MAML2: variants seen among roughly 807,000 people sequenced by gnomAD.
MAML2 encodes mastermind-like protein 2.
Under a neutral mutation model 96.1 loss-of-function variants are expected in MAML2, and 22 were observed. The ratio of observed to expected loss-of-function variants is 0.23; its 90% confidence interval spans 0.16 to 0.33. MAML2 has a LOEUF of 0.33. MAML2 is among the 10% of genes least tolerant of loss of function. The probability of loss-of-function intolerance (pLI) is 1.00; values close to 1 mark genes in which losing one functional copy is unlikely to be tolerated. For missense variants in MAML2, 1,367 were observed against 1,392.4 expected (o/e 0.98, Z 0.29); for synonymous variants, 561 against 521.3 (o/e 1.08, Z -1.04).
intron 1 of MAML2, among the ~76,000 whole-genome samples, chr11:96,195,079 T>A (rs985432974): frequency 6.6e-6 from 1 of 152,236 alleles, no homozygotes; most frequent in Admixed American, 6.5e-5. Flanking sequence ...CTAAGTTATA[T>A]AAACCAAGTC....
intron 2 of MAML2, among the ~76,000 whole-genome samples, chr11:96,016,620 T>A (rs79749321): frequency 6.6e-6 from 1 of 152,150 alleles, no homozygotes; most frequent in Non-Finnish European, 1.5e-5. Flanking sequence ...AAGCTAACTA[T>A]GATGACATTT....
Position 96,042,069 on chromosome 11 carries a change from C to T in MAML2, c.2139+49823G>A, listed in dbSNP as rs545710465. Among the ~76,000 whole-genome samples the T allele has an allele frequency of 8.4e-4, 128 of 151,958 alleles. 1 individual carries two copies. The highest frequency in any genetic ancestry group is 2.9e-3 in the African/African-American group (122 of 41,448). On this transcript the variant is annotated intron_variant, in intron 2 of 4. Transcript: ENST00000524717. ...TTGGCTCACTGCAAGCTCCACCTCC[C>T]GGGTTCAGGCCATTCTCCTGCCTCA...
Position 96,013,934 on chromosome 11 carries a change from G to T in MAML2, c.2140-22211C>A, listed in dbSNP as rs115355317. 4.2e-3 allele frequency among the ~76,000 whole-genome samples: 634 copies of T among 152,310 alleles called. 7 individuals carry two copies. The highest frequency in any genetic ancestry group is 0.014 in the African/African-American group (600 of 41,566). ...CCCTCTGTCCTTGTGATAAGGAAGG[G>T]GATCTAATTGAGCTGGTTAACACAA... On this transcript the variant is annotated intron_variant, in intron 2 of 4. Transcript: ENST00000524717.
rs1864004429 is a variant in MAML2, at chr11:96,342,063, G to A, written c.-168C>T. 6.4e-6 allele frequency: 4 copies of A among 624,324 alleles called. No homozygotes were observed. 38.7% of individuals were successfully genotyped at this position (624,324 alleles called of 1,614,324 possible). On this transcript the variant is annotated 5_prime_UTR_variant, in exon 1 of 5. Coordinates refer to ENST00000524717, the MANE Select transcript of MAML2 (RefSeq NM_032427.4). ...AGCCGTGGAGAAGTTGTGGGGGAGG[G>A]GAGTTAGTAAAAAGAGGGTGGGGAG...
chr11:96,063,484 A>G (rs1329028897), intron 2 of MAML2, among the ~76,000 whole-genome samples: 1 of 152,220 alleles, frequency 6.6e-6, no homozygotes. Context: ...TGAATGATTA[A>G]TAACCACCAT....
intron 2 of MAML2, among the ~76,000 whole-genome samples, chr11:96,007,903 C>G: frequency 6.8e-6 from 1 of 147,386 alleles, no homozygotes; most frequent in Non-Finnish European, 1.5e-5. Flanking sequence ...GGAGGGGTAG[C>G]ACTGGGAGAT....
intron 1 of MAML2, among the ~76,000 whole-genome samples, chr11:96,340,885 T>C (rs766247785): frequency 2.6e-5 from 4 of 152,170 alleles, no homozygotes; most frequent in African/African-American, 9.7e-5. Context: ...GCTTACCATT[T>C]ATGTTCTCTT....
chr11:96,079,828 C>T (rs182647651), intron 2 of MAML2, among the ~76,000 whole-genome samples: 1 of 152,282 alleles, frequency 6.6e-6, no homozygotes, highest in Admixed American at 6.5e-5. Flanking sequence ...AGTGAAGAGA[C>T]TCTAAATATG....
At chr11:96,255,372 C>T (rs1862648918) in intron 1 of MAML2, among the ~76,000 whole-genome samples, 1 of 152,174 alleles carries the variant, frequency 6.6e-6, no homozygotes, top group Non-Finnish European at 1.5e-5. Context: ...CAGGTGTTAT[C>T]CCCATTTTAC....
rs546468152 is a variant in MAML2 at position 96,288,750 on chromosome 11, C to A, written c.513+52633G>T. 2.9e-4 allele frequency among the ~76,000 whole-genome samples: 44 copies of A among 152,216 alleles called. 1 individual carries two copies. In the South Asian group the frequency reaches 6.6e-3, roughly 23 times the overall value. On this transcript the variant is annotated intron_variant, in intron 1 of 4. Coordinates refer to ENST00000524717, the MANE Select transcript of MAML2 (RefSeq NM_032427.4). ...GGCATTCAAACACTTGTGTATTATA[C>A]ATTTAAATTAATTTTAATTATTTTC...
intron 1 of MAML2, among the ~76,000 whole-genome samples, chr11:96,300,598 G>A (rs531128710): frequency 6.6e-6 from 1 of 152,322 alleles, no homozygotes; most frequent in South Asian, 2.1e-4. Context: ...GCAGCACACT[G>A]TCTGATGTCA....
intron 1 of MAML2, among the ~76,000 whole-genome samples, chr11:96,264,196 G>C (rs12287625): frequency 0.11 from 16,393 of 152,146 alleles, 1,019 homozygotes; most frequent in Admixed American, 0.2. Context: ...TTACAGGTCC[G>C]TAACTTTTGT....
rs915462177 is a variant in MAML2 at position 96,190,571 on chromosome 11, C to T, written c.514-97054G>A. 1.2e-4 allele frequency among the ~76,000 whole-genome samples: 19 copies of T among 152,038 alleles called. 1 individual carries two copies. The highest frequency in any genetic ancestry group is 3.9e-4 in the East Asian group (2 of 5,194). ...TTGATGACTTAGTGAAATTTATGAA[C>T]GCATGCAGAATAAATTTATCAATTA... On this transcript the variant is annotated intron_variant, in intron 1 of 4. Coordinates refer to ENST00000524717, the MANE Select transcript of MAML2 (RefSeq NM_032427.4).
intron 2 of MAML2, among the ~76,000 whole-genome samples, chr11:96,020,669 G>C (rs926326411): frequency 1.6e-4 from 24 of 152,210 alleles, no homozygotes; most frequent in African/African-American, 4.3e-4. Flanking sequence ...ACACTACTGT[G>C]AGCTAAGGTG....
At chr11:96,103,580 C>T (rs972455866) in intron 1 of MAML2, among the ~76,000 whole-genome samples, 4 of 152,186 alleles carry the variant, frequency 2.6e-5, no homozygotes, top group Admixed American at 2.6e-4. Context: ...ATATGAAACA[C>T]AGCCATCCCT....
At chr11:96,246,263 C>T (rs966462113) in intron 1 of MAML2, among the ~76,000 whole-genome samples, 1 of 152,110 alleles carries the variant, frequency 6.6e-6, no homozygotes, top group East Asian at 1.9e-4. Context: ...ATTTCCTCTA[C>T]AGAGCATATC....
chr11:96,169,044 C>T (rs1861239259), intron 1 of MAML2, among the ~76,000 whole-genome samples: 2 of 152,160 alleles, frequency 1.3e-5, no homozygotes, highest in South Asian at 4.1e-4. Flanking sequence ...GGCCACTTTG[C>T]TTTTCTGGCC....
chr11:96,078,005 G>A (rs575598143), intron 2 of MAML2, among the ~76,000 whole-genome samples: 3 of 152,268 alleles, frequency 2.0e-5, no homozygotes, highest in Admixed American at 6.5e-5. Context: ...CTCCTTTTCT[G>A]TCTTCCCCTG....
chr11:96,188,574 A>G (rs1861606936), intron 1 of MAML2, among the ~76,000 whole-genome samples: 1 of 152,214 alleles, frequency 6.6e-6, no homozygotes, highest in Non-Finnish European at 1.5e-5. Context: ...AGATCTTACA[A>G]AAGAAAATCT....
Sources: allele counts gnomAD v4.1 joint callset (sites outside exome capture counted in the v4.1 genomes callset), GRCh38; gene constraint gnomAD v4.1.1; transcripts MANE v1.5; gene names NCBI Gene and HGNC (gene_info 2026-07-23, HGNC 2026-07-21).